ZFHX3: variants seen among roughly 807,000 people sequenced by gnomAD.
ZFHX3 encodes zinc finger homeobox 3.
ZFHX3 carries 42 observed loss-of-function variants against 279.1 expected under a neutral mutation model. The ratio of observed to expected loss-of-function variants is 0.15; its 90% CI spans 0.12 to 0.19. The LOEUF is 0.19. ZFHX3 is among the 10% of genes least tolerant of loss of function. ZFHX3 has a pLI of 1.00. For synonymous variants in ZFHX3, 2,293 were observed against 1,957.8 expected, an observed-to-expected ratio of 1.17 and a Z score of -4.52; for missense variants, 4,981 against 4,754.0, an observed-to-expected ratio of 1.05 and a Z score of -1.40.
intron 2 of ZFHX3, among the ~76,000 whole-genome samples, chr16:73,545,051 A>C (rs2020086129): frequency 6.6e-6 from 1 of 152,084 alleles, no homozygotes; most frequent in African/African-American, 2.4e-5. Context: ...CTCATACAAC[A>C]ATAGCAGGTC....
In ZFHX3 at chr16:73,026,673, C is replaced by CAAAAAAAAAAA. The variant is rs10561679; in HGVS notation, c.-50+21068_-50+21078dup. On this transcript the variant is annotated intron_variant, in intron 1 of 9. Coordinates refer to ENST00000268489, the MANE Select transcript of ZFHX3 (RefSeq NM_006885.4). ...CCCGGCAACAAGAGCAAAACTGCCT[C>CAAAAAAAAAAA]AAAAAAAAAAAAAAAAAAAAAACAC... Among the ~76,000 whole-genome samples the CAAAAAAAAAAA allele has an allele frequency of 4.3e-3, 341 of 79,500 alleles. 7 individuals are homozygous for CAAAAAAAAAAA. Among genetic ancestry groups the CAAAAAAAAAAA allele is most frequent in the East Asian group, 0.017 (52 of 3,130 alleles). 52.2% of individuals were successfully genotyped at this position (79,500 alleles called of 152,430 possible).
intron 1 of ZFHX3, among the ~76,000 whole-genome samples, chr16:73,788,811 A>G (rs1228982317): frequency 6.6e-6 from 1 of 151,492 alleles, no homozygotes; most frequent in Non-Finnish European, 1.5e-5. Context: ...CATCTCTACT[A>G]AAAATGCAAA....
At chr16:73,185,205 T>C (rs1967884776) in intron 5 of ZFHX3, among the ~76,000 whole-genome samples, 1 of 152,164 alleles carries the variant, frequency 6.6e-6, no homozygotes, top group Non-Finnish European at 1.5e-5. Flanking sequence ...ATTAGAATGA[T>C]GTTGAGGGCA....
chr16:73,101,943 T>G (rs986793542), intron 7 of ZFHX3, among the ~76,000 whole-genome samples: 18 of 143,742 alleles, frequency 1.3e-4, no homozygotes, highest in African/African-American at 4.2e-4. Context: ...AGACAGGATC[T>G]CATTCTGTCA....
intron 1 of ZFHX3, among the ~76,000 whole-genome samples, chr16:73,754,060 T>C (rs1489833101): frequency 3.3e-5 from 5 of 151,618 alleles, no homozygotes; most frequent in African/African-American, 1.2e-4. Flanking sequence ...ATGTCTTGTG[T>C]ATTTTGTCTT....
chr16:73,768,539 G>C (rs1011533361), intron 1 of ZFHX3, among the ~76,000 whole-genome samples: 2 of 152,156 alleles, frequency 1.3e-5, no homozygotes, highest in African/African-American at 4.8e-5. Context: ...GGAAAAGAGA[G>C]GTGTTGAGTG....
At chr16:72,926,161 G>A (rs2144263141) in intron 3 of ZFHX3, among the ~76,000 whole-genome samples, 1 of 152,250 alleles carries the variant, frequency 6.6e-6, no homozygotes, top group South Asian at 2.1e-4. Context: ...ATGTTGTTAT[G>A]GGTCATGATT....
chr16:73,190,191 A>G (rs762330035), intron 5 of ZFHX3, among the ~76,000 whole-genome samples: 12 of 152,238 alleles, frequency 7.9e-5, no homozygotes, highest in Admixed American at 7.8e-4. Flanking sequence ...AGCTGCTGAC[A>G]TGTGTAATGG....
At chr16:72,838,543 C>T (rs200058549) in intron 4 of ZFHX3, among the ~76,000 whole-genome samples, 99 of 152,282 alleles carry the variant, frequency 6.5e-4, no homozygotes, top group African/African-American at 1.5e-3. Flanking sequence ...CCCTTTCAGC[C>T]GTCCCTCCTG....
intron 2 of ZFHX3, among the ~76,000 whole-genome samples, chr16:73,512,390 G>A (rs2019447265): frequency 6.8e-6 from 1 of 147,186 alleles, no homozygotes; most frequent in African/African-American, 2.5e-5. Flanking sequence ...GGAGGTTGCA[G>A]TGAGCCAAGA....
upstream of ZFHX3, among the ~76,000 whole-genome samples, chr16:73,064,360 C>A (rs1378749792): frequency 2.0e-5 from 3 of 152,070 alleles, no homozygotes; most frequent in Admixed American, 1.3e-4. Flanking sequence ...CAAGAGCAGA[C>A]CAGCTGGTCT....
chr16:73,723,098 C>A (rs1232162097), intron 1 of ZFHX3, among the ~76,000 whole-genome samples: 1 of 152,148 alleles, frequency 6.6e-6, no homozygotes, highest in Non-Finnish European at 1.5e-5. Context: ...GTGGCTCAAT[C>A]CTACTTCAGA....
intron 2 of ZFHX3, among the ~76,000 whole-genome samples, chr16:73,590,995 T>C (rs182503026): frequency 3.9e-4 from 60 of 152,258 alleles, no homozygotes; most frequent in African/African-American, 1.3e-3. Context: ...GCACATTAAA[T>C]GACAAGAGGG....
chr16:73,405,568 T>C (rs1165782685), intron 3 of ZFHX3, among the ~76,000 whole-genome samples: 2 of 150,028 alleles, frequency 1.3e-5, no homozygotes, highest in East Asian at 2.0e-4. Flanking sequence ...CACTGTAATT[T>C]ATACATTAGT....
chr16:72,955,606 C>A (rs1175553124), intron 2 of ZFHX3, among the ~76,000 whole-genome samples: 2 of 151,894 alleles, frequency 1.3e-5, no homozygotes, highest in Non-Finnish European at 2.9e-5. Flanking sequence ...TGGTGAAGCC[C>A]CATCTCTACT....
chr16:72,846,469 G>GC (rs1567545194), intron 4 of ZFHX3, among the ~76,000 whole-genome samples: 1 of 88 alleles, frequency 0.011, no homozygotes, highest in Non-Finnish European at 0.019. Context: ...ACCCACTGCA[G>GC]GCCACGGGCA....
intron 7 of ZFHX3, among the ~76,000 whole-genome samples, chr16:72,802,529 A>G (rs1222288819): frequency 6.6e-6 from 1 of 152,068 alleles, no homozygotes; most frequent in Non-Finnish European, 1.5e-5. Context: ...CATTTTTCTC[A>G]TCTATAGTGT....
intron 1 of ZFHX3, among the ~76,000 whole-genome samples, chr16:73,776,373 G>C (rs1255388428): frequency 2.6e-5 from 4 of 152,028 alleles, no homozygotes; most frequent in Non-Finnish European, 5.9e-5. Context: ...ACATGCCCCA[G>C]TTCTATGCGC....
At chr16:73,343,137 C>CT (rs1167215914) in intron 3 of ZFHX3, among the ~76,000 whole-genome samples, 15 of 151,656 alleles carry the variant, frequency 9.9e-5, no homozygotes, top group Admixed American at 6.6e-4. Flanking sequence ...TTTTCTTTTT[C>CT]TTTTTTTTCC....
Sources: allele counts gnomAD v4.1 joint callset (sites outside exome capture counted in the v4.1 genomes callset), GRCh38; gene constraint gnomAD v4.1.1; transcripts MANE v1.5; gene names NCBI Gene and HGNC (gene_info 2026-07-23, HGNC 2026-07-21).